HSPA4: variants seen among roughly 807,000 people sequenced by gnomAD.
The protein encoded by HSPA4 is heat shock protein family A (Hsp70) member 4.
Under a neutral mutation model 106.2 loss-of-function variants are expected in HSPA4, and 25 were observed. That is an observed-to-expected ratio of 0.24 (90% CI 0.17 to 0.33). The LOEUF is 0.33. HSPA4 is among the 10% of genes least tolerant of loss of function. The pLI, the probability that HSPA4 is intolerant of heterozygous loss-of-function variation, is 1.00. For missense variants in HSPA4, 841 were observed against 996.0 expected, an observed-to-expected ratio of 0.84 and a Z score of 2.10; for synonymous variants, 332 against 333.6, an observed-to-expected ratio of 1.00 and a Z score of 0.05.
rs1765822314 is a variant in HSPA4, at chr5:133,103,956, A to G, written c.2249A>G (p.Asn750Ser). The G allele has an allele frequency of 1.2e-6, 2 of 1,614,050 alleles. No individual in the cohort carries two copies. Among genetic ancestry groups the G allele is most frequent in the South Asian group, 1.1e-5 (1 of 91,078 alleles). The change falls in exon 18 of 19, where the codon AAT becomes AGT. Residue 750 changes from asparagine (N) to serine (S), a missense_variant. This residue lies in a region of HSPA4 where 328 missense variants were observed against 372.2 expected (regional missense o/e 0.88). Coordinates refer to ENST00000304858, the MANE Select transcript of HSPA4 (RefSeq NM_002154.4). ...EAMEWMNNKL[N>S]LQNKQSLTMD... ...ATGGAGTGGATGAATAACAAGCTAAATCTGCAGAACAAGCAGAGTTTGACC... is the reference window on the plus strand; with the variant it reads ...ATGGAGTGGATGAATAACAAGCTAAGTCTGCAGAACAAGCAGAGTTTGACC...
intron 1 of HSPA4, among the ~76,000 whole-genome samples, chr5:133,054,872 G>A (rs1765139512): frequency 6.6e-6 from 1 of 152,150 alleles, no homozygotes; most frequent in Non-Finnish European, 1.5e-5. Context: ...TAGTGTTTTG[G>A]TCCTTTCCTG....
intron 11 of HSPA4, 160 bp from the exon 12 acceptor site, chr5:133,091,033 T>A: frequency 1.4e-6 from 1 of 724,376 alleles, no homozygotes; most frequent in Non-Finnish European, 2.5e-6. Flanking sequence ...AGAAATCTGA[T>A]GATTTAATAA....
intron 1 of HSPA4, among the ~76,000 whole-genome samples, chr5:133,056,561 G>A (rs1159262741): frequency 3.9e-5 from 6 of 152,308 alleles, no homozygotes; most frequent in African/African-American, 1.4e-4. Flanking sequence ...GTGAGCCACC[G>A]CGCCCGGCCT....
intron 7 of HSPA4, among the ~76,000 whole-genome samples, chr5:133,083,112 A>T (rs567216070): frequency 1.3e-3 from 190 of 143,326 alleles, no homozygotes; most frequent in African/African-American, 4.8e-3. Flanking sequence ...TCCAGCCTGG[A>T]TGACAGAGCG....
intron 7 of HSPA4, among the ~76,000 whole-genome samples, chr5:133,078,508 G>A (rs112947257): frequency 0.023 from 3,439 of 151,444 alleles, 131 homozygotes; most frequent in African/African-American, 0.075. Flanking sequence ...GGTGGCAGGC[G>A]CCTGTAATCC....
chr5:133,099,438 C>T lies in HSPA4; in HGVS notation c.1930-107C>T, dbSNP rs185021135. On this transcript the variant is annotated intron_variant, in intron 15 of 18. Transcript: ENST00000304858. ...GTGAGCCACTGCACCTGGCTGCCCT[C>T]TGTATTTTAAAGCAAATCTCAGATA... The T allele has an allele frequency of 1.0e-3, 516 of 510,708 alleles. 2 individuals carry two copies. In the Middle Eastern group the frequency reaches 0.014, roughly 14 times the overall value. 31.6% of individuals were successfully genotyped at this position (510,708 alleles called of 1,614,324 possible).
At chr5:133,093,593 C>T (rs950965811) in intron 13 of HSPA4, among the ~76,000 whole-genome samples, 3 of 152,096 alleles carry the variant, frequency 2.0e-5, no homozygotes, top group East Asian at 2.0e-4. Context: ...CAGGTTCAAG[C>T]GATTCTTATG....
Position 133,072,389 on chromosome 5 carries a change from G to GTTTT in HSPA4, c.430-839_430-838insTTTT, listed in dbSNP as rs1561579032. 3.2e-4 allele frequency among the ~76,000 whole-genome samples: 33 copies of GTTTT among 103,210 alleles called. No homozygotes were observed. The Middle Eastern group carries it at 0.015, about 47-fold the overall frequency. 67.7% of individuals were successfully genotyped at this position (103,210 alleles called of 152,430 possible). A position where few individuals can be genotyped will look rare whatever the true frequency, so the allele number is the denominator to read the frequency against. On this transcript the variant is annotated intron_variant, in intron 4 of 18. Transcript: ENST00000304858. ...GGAGTTCTGCCTAGCCTGGTCCAGG[G>GTTTT]TTGTTTTTTTTTTTTTTTTTTTTTT...
chr5:133,089,790 G>T, intron 11 of HSPA4, 95 bp downstream of exon 11: 2 of 979,922 alleles, frequency 2.0e-6, no homozygotes, highest in South Asian at 2.1e-5. Flanking sequence ...AAGGTGGGAG[G>T]ATCACTTGAG....
intron 6 of HSPA4, 65 bp from the exon 7 acceptor site, chr5:133,076,589 A>AT (rs1765448283): frequency 7.0e-7 from 1 of 1,424,894 alleles, no homozygotes; most frequent in Non-Finnish European, 9.7e-7. Flanking sequence ...TACCAGGTAA[A>AT]TATATATCAT....
chr5:133,074,775 G>A (rs1765426756), intron 6 of HSPA4, among the ~76,000 whole-genome samples: 1 of 152,202 alleles, frequency 6.6e-6, no homozygotes, highest in Non-Finnish European at 1.5e-5. Context: ...ACACACAGAA[G>A]TATAGAAGGC....
intron 18 of HSPA4, 81 bp downstream of exon 18, chr5:133,104,107 T>C: frequency 7.0e-7 from 1 of 1,420,362 alleles, no homozygotes; most frequent in Non-Finnish European, 9.8e-7. Flanking sequence ...AGGAGGGAAC[T>C]TTATTATAGT....
intron 1 of HSPA4, 50 bp downstream of exon 1, chr5:133,052,407 T>G (rs1159967123): frequency 8.1e-7 from 1 of 1,230,454 alleles, no homozygotes; most frequent in Non-Finnish European, 1.1e-6. Context: ...GAGATAATGC[T>G]TGTTCCAGTC....
chr5:133,068,433 G>T (rs569094022), intron 3 of HSPA4, among the ~76,000 whole-genome samples: 25 of 152,024 alleles, frequency 1.6e-4, no homozygotes, highest in Middle Eastern at 3.4e-3. Flanking sequence ...AATCCATGAG[G>T]GGGGGTGGGG....
chr5:133,075,020 C>T (rs1765430484), intron 6 of HSPA4, among the ~76,000 whole-genome samples: 2 of 152,080 alleles, frequency 1.3e-5, no homozygotes, highest in Non-Finnish European at 2.9e-5. Context: ...AGGGATTACC[C>T]CAAACTAAAT....
At chr5:133,069,790 AT>A (rs1765358258) in intron 3 of HSPA4, among the ~76,000 whole-genome samples, 1 of 152,138 alleles carries the variant, frequency 6.6e-6, no homozygotes, top group African/African-American at 2.4e-5. Flanking sequence ...AGCTACACTG[AT>A]TTGTCTTTGC....
intron 4 of HSPA4, among the ~76,000 whole-genome samples, chr5:133,072,562 ATTTTTTTTTT>A (rs1221515710): frequency 7.7e-6 from 1 of 130,116 alleles, no homozygotes. Context: ...CTAGTGGTTT[ATTTTTTTTTT>A]TTTTTTGTAT....
intron 3 of HSPA4, among the ~76,000 whole-genome samples, chr5:133,070,053 G>T (rs554748603): frequency 6.6e-6 from 1 of 152,100 alleles, no homozygotes; most frequent in African/African-American, 2.4e-5. Context: ...TTTGCTCCCC[G>T]CTACTTGGGA....
intron 1 of HSPA4, among the ~76,000 whole-genome samples, chr5:133,055,333 T>C (rs1765147368): frequency 8.4e-6 from 1 of 119,742 alleles, no homozygotes; most frequent in Admixed American, 7.8e-5. Context: ...TTTTTTTTTT[T>C]TTTTTGGTAG....
Sources: allele counts gnomAD v4.1 joint callset (sites outside exome capture counted in the v4.1 genomes callset), GRCh38; gene constraint gnomAD v4.1.1; regional missense constraint gnomAD v4.1.1; transcripts MANE v1.5; gene names NCBI Gene and HGNC (gene_info 2026-07-23, HGNC 2026-07-21).